The following RAPGEF6 variants were observed in gnomAD, a reference collection of about 807,000 sequenced individuals.
RAPGEF6 encodes PDZ domain containing guanine nucleotide exchange factor (GEF) 2.
In RAPGEF6, 56 loss-of-function variants were observed where a neutral mutation model predicts 171.4. The ratio of observed to expected loss-of-function variants is 0.33; its 90% CI spans 0.26 to 0.41. The LOEUF (loss-of-function observed/expected upper bound fraction) is 0.41. Ranked by LOEUF, RAPGEF6 falls within the 10% of genes least tolerant of loss-of-function variation. The probability of loss-of-function intolerance (pLI) is 1.00; values close to 1 mark genes in which losing one functional copy is unlikely to be tolerated. For synonymous variants in RAPGEF6, 692 were observed against 650.1 expected (o/e 1.06, Z -0.98); for missense variants, 1,674 against 1,921.4 (o/e 0.87, Z 2.41).
intron 16 of RAPGEF6, among the ~76,000 whole-genome samples, chr5:131,477,559 C>G (rs1334655315): frequency 2.0e-5 from 3 of 152,160 alleles, no homozygotes; most frequent in African/African-American, 4.8e-5. Flanking sequence ...TTTTACACCT[C>G]TTGCTGTAAC....
At chr5:131,611,340 T>C (rs940853038) in intron 1 of RAPGEF6, among the ~76,000 whole-genome samples, 3 of 152,230 alleles carry the variant, frequency 2.0e-5, no homozygotes, top group Non-Finnish European at 4.4e-5. Context: ...TTGTTGGATT[T>C]ATTCTTAAAT....
rs1554070849 is a variant in RAPGEF6, at chr5:131,445,493, C to CTCTGTGTGTGTGTG, written c.3421+989_3421+990insCACACACACACAGA. 4.1e-3 allele frequency among the ~76,000 whole-genome samples: 606 copies of CTCTGTGTGTGTGTG among 147,330 alleles called. 1 individual carries two copies. The highest frequency in any genetic ancestry group is 0.01 in the African/African-American group (403 of 39,370). On this transcript the variant is annotated intron_variant, in intron 22 of 27. Coordinates refer to ENST00000509018, the MANE Select transcript of RAPGEF6 (RefSeq NM_016340.6). ...TTTATGGGCAAATTTAACTCACTCTCTGTGTGTGTGTGTGTGTGTGTGTGT... is the reference window on the plus strand; with the variant it reads ...TTTATGGGCAAATTTAACTCACTCTCTCTGTGTGTGTGTGTGTGTGTGTGTGTGTGTGTGTGTGT...
chr5:131,561,717 T>C (rs543169292), intron 5 of RAPGEF6, among the ~76,000 whole-genome samples: 1 of 151,628 alleles, frequency 6.6e-6, no homozygotes, highest in East Asian at 1.9e-4. Context: ...TTTTAAAACT[T>C]CTAATTTTCT....
intron 1 of RAPGEF6, among the ~76,000 whole-genome samples, chr5:131,630,504 T>G (rs1448493601): frequency 6.6e-6 from 1 of 152,232 alleles, no homozygotes; most frequent in Admixed American, 6.5e-5. Context: ...TTTAGTGCAC[T>G]TAATTGTCCA....
chr5:131,539,218 G>A (rs1237356557), intron 6 of RAPGEF6, among the ~76,000 whole-genome samples: 2 of 152,070 alleles, frequency 1.3e-5, no homozygotes, highest in Non-Finnish European at 2.9e-5. Context: ...ACAAAAGTCT[G>A]TTTATTCATT....
Position 131,433,488 on chromosome 5 carries a change from C to T in RAPGEF6, c.3916G>A (p.Ala1306Thr). The change falls in exon 25 of 28, where the codon GCA (alanine) becomes ACA (threonine). Residue 1306 changes from alanine (A) to threonine (T), a missense_variant. By Grantham distance (58) the Ala-to-Thr change is moderately conservative. Around this residue, in one of 3 missense-constraint regions of RAPGEF6, gnomAD observed 552 missense variants for 574.2 expected, o/e 0.96. Transcript: ENST00000509018. ...QALAVPESTGALEKTEHASGI... is the reference protein window; with the variant it reads ...QALAVPESTGTLEKTEHASGI... ...GAAGCGTGCTCTGTCTTTTCCAATG[C>T]CCCAGTGGATTCAGGGACTGCCAGG... The T allele has an allele frequency of 1.2e-6, 2 of 1,613,936 alleles. No individual in the cohort carries two copies. The highest frequency in any genetic ancestry group is 2.2e-5 in the East Asian group (1 of 44,886).
chr5:131,575,687 T>G (rs1049087576), intron 4 of RAPGEF6, among the ~76,000 whole-genome samples: 7 of 152,198 alleles, frequency 4.6e-5, no homozygotes, highest in African/African-American at 1.7e-4. Context: ...TTCTTCTTTT[T>G]GTTCCTTAAA....
At chr5:131,469,834 A>G in intron 17 of RAPGEF6, 1 of 1,519,604 alleles carries the variant, frequency 6.6e-7, no homozygotes, top group Non-Finnish European at 8.8e-7. Context: ...AGCAAAAATA[A>G]AGCAAAATCA....
At chr5:131,550,506 T>C (rs540960997) in intron 5 of RAPGEF6, among the ~76,000 whole-genome samples, 26 of 152,248 alleles carry the variant, frequency 1.7e-4, no homozygotes, top group Non-Finnish European at 3.2e-4. Context: ...ATCTGCTTTG[T>C]TCAGGTGTGA....
At chr5:131,610,937 C>T (rs181601844) in intron 1 of RAPGEF6, among the ~76,000 whole-genome samples, 2 of 152,294 alleles carry the variant, frequency 1.3e-5, no homozygotes, top group South Asian at 2.1e-4. Flanking sequence ...TATTACGGGG[C>T]TCTGTAATTT....
At chr5:131,587,577 T>G (rs1192276727) in intron 4 of RAPGEF6, among the ~76,000 whole-genome samples, 2 of 152,186 alleles carry the variant, frequency 1.3e-5, no homozygotes, top group Non-Finnish European at 2.9e-5. Context: ...ATAAAAGAGC[T>G]AAAACTAGAG....
Position 131,482,268 on chromosome 5 carries a change from G to A in RAPGEF6, c.1841-2515C>T, listed in dbSNP as rs200240851. On this transcript the variant is annotated intron_variant, in intron 15 of 27. Transcript: ENST00000509018. ...GCCATATGGTAATATATACACACAC[G>A]TGTGTGTATGTGTGTGTGTGTATAC... Among the ~76,000 whole-genome samples the A allele has an allele frequency of 1.8e-3, 112 of 62,332 alleles. 5 individuals carry two copies. The East Asian group carries it at 0.029, about 16-fold the overall frequency. 40.9% of individuals were successfully genotyped at this position (62,332 alleles called of 152,430 possible). A position where few individuals can be genotyped will look rare whatever the true frequency, so the allele number is the denominator to read the frequency against.
At chr5:131,606,046 A>G (rs1296665508) in intron 1 of RAPGEF6, among the ~76,000 whole-genome samples, 1 of 146,784 alleles carries the variant, frequency 6.8e-6, no homozygotes, top group Non-Finnish European at 1.5e-5. Flanking sequence ...AAAAAAAAAA[A>G]AAAAAAAGAA....
rs1490330026 is a variant in RAPGEF6, at chr5:131,604,713, AATTAG to A, written c.70-25_70-21del. On this transcript the variant is annotated intron_variant, in intron 1 of 27. Transcript: ENST00000509018. ...TAAGTCCTGTGGAACAGAAGAAAAA[AATTAG>A]ATTATTTTTCAAATATGCTGTTTAA... 3.2e-6 allele frequency: 5 copies of A among 1,586,810 alleles called. No individual in the cohort carries two copies. The Admixed American group carries it at 7.6e-5, about 24-fold the overall frequency.
chr5:131,566,251 T>G (rs540550735), intron 4 of RAPGEF6, among the ~76,000 whole-genome samples: 2 of 152,174 alleles, frequency 1.3e-5, no homozygotes, highest in Non-Finnish European at 2.9e-5. Flanking sequence ...GAAAGTTCCC[T>G]TCTGTATGTC....
intron 8 of RAPGEF6, among the ~76,000 whole-genome samples, chr5:131,509,759 C>T (rs1333514753): frequency 6.6e-6 from 1 of 152,136 alleles, no homozygotes; most frequent in Non-Finnish European, 1.5e-5. Context: ...CAGCCAACCT[C>T]AAAGATGGCT....
chr5:131,476,042 A>C (rs1325287084), intron 16 of RAPGEF6, among the ~76,000 whole-genome samples: 1 of 152,234 alleles, frequency 6.6e-6, no homozygotes, highest in African/African-American at 2.4e-5. Flanking sequence ...ATACAGAAAG[A>C]AAGCAGAGAA....
intron 4 of RAPGEF6, among the ~76,000 whole-genome samples, chr5:131,579,163 T>C (rs1461414756): frequency 6.6e-6 from 1 of 152,108 alleles, no homozygotes; most frequent in Non-Finnish European, 1.5e-5. Context: ...TCTGGAGTTG[T>C]TCGCTCCTCC....
At chr5:131,587,552 A>G (rs1763325299) in intron 4 of RAPGEF6, among the ~76,000 whole-genome samples, 1 of 152,204 alleles carries the variant, frequency 6.6e-6, no homozygotes. Context: ...ACTTTTCCCC[A>G]TATTATATTT....
Sources: gnomAD v4.1 joint callset for allele counts (sites outside exome capture counted in the v4.1 genomes callset) on GRCh38, gnomAD v4.1.1 for gene constraint, gnomAD v4.1.1 regional missense constraint, MANE v1.5 for transcripts, NCBI Gene and HGNC (gene_info 2026-07-23, HGNC 2026-07-21) for gene names.